Variants in MTMR14 observed in about 807,000 individuals in gnomAD.
The protein encoded by MTMR14 is myotubularin related protein 14.
MTMR14 carries 48 observed loss-of-function variants against 86.3 expected under a neutral mutation model. That is an observed-to-expected ratio of 0.56 (90% confidence interval 0.44 to 0.71). The LOEUF (loss-of-function observed/expected upper bound fraction) is 0.71. Among genes scored for constraint, MTMR14 ranks in the 30% least tolerant of loss-of-function variants. The pLI is 0.00. For synonymous variants in MTMR14, 366 were observed against 326.1 expected, an observed-to-expected ratio of 1.12 and a Z score of -1.32; for missense variants, 780 against 834.6, an observed-to-expected ratio of 0.93 and a Z score of 0.81.
chr3:9,667,333 G>T (rs2048310953), intron 3 of MTMR14, among the ~76,000 whole-genome samples: 1 of 152,160 alleles, frequency 6.6e-6, no homozygotes, highest in South Asian at 2.1e-4. Flanking sequence ...CTGCTTGACT[G>T]ACTTCTTAAA....
chr3:9,673,898 G>C (rs1041154959), intron 7 of MTMR14, among the ~76,000 whole-genome samples: 2 of 152,064 alleles, frequency 1.3e-5, no homozygotes, highest in African/African-American at 4.8e-5. Flanking sequence ...TTCCCTAAAA[G>C]CAAGTTTGCG....
At chr3:9,698,212 T>C (rs965095209) in intron 18 of MTMR14, among the ~76,000 whole-genome samples, 2 of 152,216 alleles carry the variant, frequency 1.3e-5, no homozygotes, top group African/African-American at 4.8e-5. Context: ...ATAGTGAAGG[T>C]AGGTGTATGG....
At chr3:9,666,486 A>G (rs1690149706) in intron 3 of MTMR14, among the ~76,000 whole-genome samples, 1 of 151,842 alleles carries the variant, frequency 6.6e-6, no homozygotes, top group African/African-American at 2.4e-5. Context: ...TAAAATACAC[A>G]TCAAATTTTG....
intron 17 of MTMR14, among the ~76,000 whole-genome samples, chr3:9,694,523 T>TTG (rs2076227459): frequency 1.3e-5 from 2 of 152,098 alleles, no homozygotes; most frequent in South Asian, 2.1e-4. Flanking sequence ...GATGGATGGA[T>TTG]GGATGGATTG....
At chr3:9,658,391 A>T (rs1020793921) in intron 2 of MTMR14, among the ~76,000 whole-genome samples, 75 of 152,236 alleles carry the variant, frequency 4.9e-4, no homozygotes, top group African/African-American at 1.7e-3. Flanking sequence ...TAGCTAAGAC[A>T]TGTTTGTCAA....
At chr3:9,651,362 C>A (rs952315767) in intron 1 of MTMR14, among the ~76,000 whole-genome samples, 5 of 152,176 alleles carry the variant, frequency 3.3e-5, no homozygotes, top group African/African-American at 1.2e-4. Flanking sequence ...CTCAGCCCCC[C>A]AAAATGCTGG....
intron 14 of MTMR14, 30 bp from the exon 15 acceptor site, chr3:9,688,666 G>T: frequency 6.2e-7 from 1 of 1,613,896 alleles, no homozygotes. Flanking sequence ...AGATAGATCT[G>T]GAATTTACTG....
At chr3:9,650,415 C>G in intron 1 of MTMR14, 1 of 455,412 alleles carries the variant, frequency 2.2e-6, no homozygotes, top group Non-Finnish European at 4.4e-6. Flanking sequence ...GGGAATCTTG[C>G]CGACCCTGCC....
chr3:9,653,869 C>T (rs1292086464), intron 2 of MTMR14, 100 bp downstream of exon 2: 4 of 1,499,282 alleles, frequency 2.7e-6, no homozygotes, highest in Non-Finnish European at 3.7e-6. Flanking sequence ...AATCACTTTC[C>T]CCAGGTGTTA....
rs200737520 is a variant in MTMR14 at position 9,653,596 on chromosome 3, T to C, written c.160-25T>C. 17 of 1,613,996 alleles carry C rather than the reference T, an allele frequency of 1.1e-5. No homozygotes were observed. The East Asian group carries it at 3.6e-4, about 34-fold the overall frequency. ...CCTCAGAACCCCAGAATTCTCTTTG[T>C]GTTCTGGTCTCCTTCTCTGTGCAGG... On this transcript the variant is annotated intron_variant, in intron 1 of 18. Coordinates refer to ENST00000296003, the MANE Select transcript of MTMR14 (RefSeq NM_001077525.3).
intron 3 of MTMR14, 67 bp from the exon 4 acceptor site, chr3:9,668,652 A>G (rs529821480): frequency 6.5e-7 from 1 of 1,548,470 alleles, no homozygotes; most frequent in East Asian, 2.2e-5. Flanking sequence ...GAGGAGTCCC[A>G]CATGTTCCTT....
intron 2 of MTMR14, among the ~76,000 whole-genome samples, chr3:9,657,355 A>ATAATAGT (rs1230609982): frequency 2.6e-5 from 4 of 152,236 alleles, no homozygotes; most frequent in Admixed American, 2.0e-4. Flanking sequence ...CTTCAGTAAC[A>ATAATAGT]TAATAGTACA....
At chr3:9,693,135 A>C (rs1316851779) in intron 17 of MTMR14, among the ~76,000 whole-genome samples, 1 of 152,228 alleles carries the variant, frequency 6.6e-6, no homozygotes, top group African/African-American at 2.4e-5. Context: ...AAACTGACCG[A>C]AACAATAAAG....
chr3:9,675,671 G>A, intron 7 of MTMR14: 2 of 457,380 alleles, frequency 4.4e-6, no homozygotes, highest in Non-Finnish European at 8.8e-6. Context: ...AGCCTATTCA[G>A]GTAATGAACA....
intron 2 of MTMR14, among the ~76,000 whole-genome samples, chr3:9,660,985 C>T (rs559870850): frequency 1.2e-4 from 18 of 152,142 alleles, no homozygotes; most frequent in Middle Eastern, 3.2e-3. Flanking sequence ...TTTAGGGAAG[C>T]GTGATTTGAT....
chr3:9,680,808 G>T (rs1468588579), intron 9 of MTMR14, among the ~76,000 whole-genome samples: 1 of 152,234 alleles, frequency 6.6e-6, no homozygotes, highest in Non-Finnish European at 1.5e-5. Flanking sequence ...CTACACTCCA[G>T]CCTGGGCGAC....
intron 13 of MTMR14, among the ~76,000 whole-genome samples, chr3:9,686,055 C>T (rs1039490486): frequency 6.6e-6 from 1 of 152,170 alleles, no homozygotes; most frequent in Admixed American, 6.5e-5. Context: ...GTGTGTTTCT[C>T]ATCTTTCTCA....
intron 3 of MTMR14, among the ~76,000 whole-genome samples, chr3:9,663,946 A>T (rs2048101741): frequency 6.6e-6 from 1 of 151,374 alleles, no homozygotes; most frequent in Non-Finnish European, 1.5e-5. Flanking sequence ...ATGTCACCAC[A>T]CCCAGCTAAT....
At chr3:9,694,482 A>G (rs1410212125) in intron 17 of MTMR14, among the ~76,000 whole-genome samples, 1 of 151,934 alleles carries the variant, frequency 6.6e-6, no homozygotes, top group Admixed American at 6.6e-5. Flanking sequence ...CCAATACAAA[A>G]GATAGATTAG....
Sources: gnomAD v4.1 joint callset for allele counts (sites outside exome capture counted in the v4.1 genomes callset) on GRCh38, gnomAD v4.1.1 for gene constraint, MANE v1.5 for transcripts, NCBI Gene and HGNC (gene_info 2026-07-23, HGNC 2026-07-21) for gene names.